The following KIAA1755 variants were observed in gnomAD, a reference collection of about 807,000 sequenced individuals.
The protein encoded by KIAA1755 is uncharacterized protein KIAA1755.
In KIAA1755, 68 loss-of-function variants were observed where a neutral mutation model predicts 91.7. The observed-to-expected ratio is 0.74, with a 90% CI of 0.61 to 0.91. The LOEUF is 0.91. KIAA1755 is among the 40% of genes least tolerant of loss of function. The probability of loss-of-function intolerance (pLI) is 0.00; values close to 1 mark genes in which losing one functional copy is unlikely to be tolerated. For missense variants in KIAA1755, 1,535 were observed against 1,494.4 expected, an observed-to-expected ratio of 1.03 and a Z score of -0.45; for synonymous variants, 610 against 604.6, an observed-to-expected ratio of 1.01 and a Z score of -0.13.
chr20:38,227,923 T>A (rs889994161), intron 6 of KIAA1755, among the ~76,000 whole-genome samples: 2 of 152,228 alleles, frequency 1.3e-5, no homozygotes, highest in Non-Finnish European at 2.9e-5. Context: ...TCTGAGCCCT[T>A]GGATCAGGCC....
At chr20:38,250,504 G>C (rs867994629) in intron 1 of KIAA1755, among the ~76,000 whole-genome samples, 93 of 143,734 alleles carry the variant, frequency 6.5e-4, no homozygotes, top group Admixed American at 1.4e-3. Flanking sequence ...GTGTGTGTGT[G>C]TGTGTGTCTG....
At chr20:38,218,713 T>G (rs1289681194) in intron 11 of KIAA1755, among the ~76,000 whole-genome samples, 1 of 152,194 alleles carries the variant, frequency 6.6e-6, no homozygotes, top group Admixed American at 6.5e-5. Context: ...TCAGGGGTGA[T>G]GAGCTCCCTG....
At position 38,251,476 on chromosome 20, in the gene KIAA1755, A is replaced by G. The variant is rs537963857; in HGVS notation, c.4-5350T>C. On this transcript the variant is annotated intron_variant, in intron 1 of 13. Transcript: ENST00000279024. ...GAGGGACATAGAAAACTACCTGCTC[A>G]CAGTGGTTATACCTGGGCAATGGAG... 7.3e-4 allele frequency among the ~76,000 whole-genome samples: 111 copies of G among 151,846 alleles called. 1 individual carries two copies. Among genetic ancestry groups the G allele is most frequent in the African/African-American group, 2.5e-3 (105 of 41,426 alleles).
chr20:38,219,321 A>C (rs778508854), intron 11 of KIAA1755, among the ~76,000 whole-genome samples: 24 of 152,134 alleles, frequency 1.6e-4, no homozygotes, highest in Middle Eastern at 3.2e-3. Context: ...CAGTGGATGA[A>C]ATCCTAGCAC....
At chr20:38,250,489 T>TATTATTATG (rs1442713119) in intron 1 of KIAA1755, among the ~76,000 whole-genome samples, 5 of 140,680 alleles carry the variant, frequency 3.6e-5, no homozygotes, top group African/African-American at 1.3e-4. Context: ...ATTATTATGG[T>TATTATTATG]GTGTGTGTGT....
At chr20:38,238,161 A>G (rs2075992327) in intron 4 of KIAA1755, among the ~76,000 whole-genome samples, 1 of 152,178 alleles carries the variant, frequency 6.6e-6, no homozygotes, top group Admixed American at 6.5e-5. Flanking sequence ...CCTTCCTCCC[A>G]TAGCAGAGCC....
At chr20:38,253,780 A>G (rs1013217054) in intron 1 of KIAA1755, among the ~76,000 whole-genome samples, 8 of 152,168 alleles carry the variant, frequency 5.3e-5, no homozygotes, top group African/African-American at 1.9e-4. Flanking sequence ...TTAGGAGGGG[A>G]AAAAATAAAA....
chr20:38,216,012 G>C (rs997714773), intron 13 of KIAA1755, among the ~76,000 whole-genome samples: 9 of 152,142 alleles, frequency 5.9e-5, no homozygotes, highest in Non-Finnish European at 1.2e-4. Flanking sequence ...TGTTTCCTTA[G>C]GTGGAAATGG....
chr20:38,241,087 A>T lies in KIAA1755; in HGVS notation c.1044T>A (p.Tyr348Ter). ...TGACCTTTCTCCTGAAGCCCAAATT[A>T]TAGGGCCTCTCCTCAGAGCTTTCTG... ...TKPESSEERP[Y>*]NLGFRRKVNL... is the part of the protein sequence containing the mutation. The change falls in exon 3 of 14, where the codon TAT becomes TAA. Residue 348 changes from tyrosine (Y) to a stop codon, truncating the protein, a stop_gained. Coordinates refer to ENST00000279024, the MANE Select transcript of KIAA1755 (RefSeq NM_001029864.2). LOFTEE classifies it high-confidence loss of function. 6.2e-7 allele frequency: 1 copy of T among 1,614,160 alleles called. No homozygotes were observed. The highest frequency in any genetic ancestry group is 1.3e-5 in the African/African-American group (1 of 75,040).
intron 10 of KIAA1755, 30 bp from the exon 11 acceptor site, chr20:38,219,798 C>T (rs767628482): frequency 6.2e-7 from 1 of 1,612,742 alleles, no homozygotes; most frequent in Non-Finnish European, 8.5e-7. Context: ...GAGAAAAGGC[C>T]TCTGTTGCCC....
rs544188586 is a variant in KIAA1755 at position 38,243,385 on chromosome 20, G to A, written c.202-1456C>T. 1.1e-4 allele frequency among the ~76,000 whole-genome samples: 17 copies of A among 152,232 alleles called. No homozygotes were observed. In the South Asian group the frequency reaches 1.9e-3, roughly 17 times the overall value. ...CCTTCATGAGTCTGTAGGTTTTCTCGACCCTTTTCACTTAGCCCTCTTGGG... is the reference window on the plus strand; with the variant it reads ...CCTTCATGAGTCTGTAGGTTTTCTCAACCCTTTTCACTTAGCCCTCTTGGG... On this transcript the variant is annotated intron_variant, in intron 2 of 13. Transcript: ENST00000279024.
At chr20:38,236,141 G>A (rs1739673866) in intron 4 of KIAA1755, among the ~76,000 whole-genome samples, 4 of 152,204 alleles carry the variant, frequency 2.6e-5, no homozygotes, top group Non-Finnish European at 4.4e-5. Flanking sequence ...AATGTGGGAT[G>A]TAAGAGAAAG....
intron 1 of KIAA1755, among the ~76,000 whole-genome samples, chr20:38,247,204 G>A (rs1295915503): frequency 6.6e-6 from 1 of 152,052 alleles, no homozygotes; most frequent in Non-Finnish European, 1.5e-5. Flanking sequence ...ATCAGTCTCT[G>A]CTCCAAACTC....
intron 5 of KIAA1755, among the ~76,000 whole-genome samples, chr20:38,229,929 GA>G (rs533209917): frequency 6.6e-5 from 10 of 152,132 alleles, no homozygotes; most frequent in Admixed American, 3.3e-4. Context: ...TGGACAAGAA[GA>G]AAAAAAATGT....
chr20:38,248,528 G>A (rs1379560720), intron 1 of KIAA1755, among the ~76,000 whole-genome samples: 10 of 152,144 alleles, frequency 6.6e-5, no homozygotes, highest in Admixed American at 6.6e-4. Flanking sequence ...GCAACAGGAG[G>A]CAGGTACAGT....
chr20:38,239,406 G>C, intron 4 of KIAA1755, 122 bp downstream of exon 4: 1 of 783,658 alleles, frequency 1.3e-6, no homozygotes, highest in Non-Finnish European at 2.1e-6. Context: ...GGCCCAAGGA[G>C]GCTTGGTCTA....
chr20:38,217,313 C>T lies in KIAA1755; in HGVS notation c.2841G>A (p.Ala947=), dbSNP rs12329550. ...FQAELTHFYM[A]AERQRTDLET... ...CGAGGTCCGTGCGTTGCCGCTCGGC[C>T]GCCATGTAAAAGTGGGTCAGCTCAG... Residue 947 remains alanine (A), a synonymous_variant, in exon 13 of 14, where the codon GCG becomes GCA. Coordinates refer to ENST00000279024, the MANE Select transcript of KIAA1755 (RefSeq NM_001029864.2). 6,412 of 1,610,556 alleles carry T rather than the reference C, an allele frequency of 4.0e-3. 248 individuals are homozygous for T. In the African/African-American group the frequency reaches 0.077, roughly 19 times the overall value.
In KIAA1755 at chr20:38,217,351, G is replaced by A. The variant is rs770408674; in HGVS notation, c.2803C>T (p.Arg935Trp). The change falls in exon 13 of 14, where the codon CGG (arginine) becomes TGG (tryptophan). Residue 935 changes from arginine to tryptophan, a missense_variant. Transcript: ENST00000279024. The part of the protein sequence containing the change: ...PELAAFASTQ[R>W]AFQAELTHFY... Reference sequence around the variant, plus strand: ...TGGGTCAGCTCAGCCTGGAAGGCCCGCTGGGTAGAGGCAAAGGCTGCCAGC... The same window carrying A: ...TGGGTCAGCTCAGCCTGGAAGGCCCACTGGGTAGAGGCAAAGGCTGCCAGC... The A allele has an allele frequency of 5.0e-6, 8 of 1,612,848 alleles. No individual in the cohort carries two copies. The highest frequency in any genetic ancestry group is 1.7e-5 in the Admixed American group (1 of 59,858).
Position 38,239,681 on chromosome 20 carries a change from TG to T in KIAA1755, c.1593del (p.Ser532AlafsTer3), listed in dbSNP as rs2076019535. 9.3e-6 allele frequency: 15 copies of T among 1,612,162 alleles called. No individual in the cohort carries two copies. Among genetic ancestry groups the T allele is most frequent in the African/African-American group, 1.3e-5 (1 of 74,822 alleles). On this transcript the variant is annotated frameshift_variant, in exon 4 of 14. Coordinates refer to ENST00000279024, the MANE Select transcript of KIAA1755 (RefSeq NM_001029864.2). LOFTEE classifies it high-confidence loss of function. Reference sequence around the variant, plus strand: ...GCAGCCTTTTCCTCAGTCAGTGGGCTGGGGGCAGTGGCTGGGCCAGATGTTT... The same window carrying T: ...GCAGCCTTTTCCTCAGTCAGTGGGCTGGGGCAGTGGCTGGGCCAGATGTTT... ...QTKTSGPATAPSPLTEEKAAL... is the reference protein window; with the variant it reads ...QTKTSGPATAXSPLTEEKAAL...
Sources: allele counts gnomAD v4.1 joint callset (sites outside exome capture counted in the v4.1 genomes callset), GRCh38; gene constraint gnomAD v4.1.1; transcripts MANE v1.5; gene names NCBI Gene and HGNC (gene_info 2026-07-23, HGNC 2026-07-21).